The following STX8 variants were observed in gnomAD, a reference collection of about 807,000 sequenced individuals.
STX8 encodes the protein syntaxin 8, also known as syntaxin-8.
A neutral mutation model predicts 37.5 loss-of-function variants in STX8; 23 were observed. The observed-to-expected ratio is 0.61, with a 90% confidence interval of 0.44 to 0.87. The LOEUF (loss-of-function observed/expected upper bound fraction) is 0.87. Ranked by LOEUF, STX8 falls within the 40% of genes least tolerant of loss-of-function variation. The pLI is 0.00. For missense variants in STX8, 313 were observed against 284.7 expected, an observed-to-expected ratio of 1.10 and a Z score of -0.71; for synonymous variants, 115 against 99.1, an observed-to-expected ratio of 1.16 and a Z score of -0.95.
intron 6 of STX8, among the ~76,000 whole-genome samples, chr17:9,488,893 T>C (rs1180628120): frequency 3.3e-5 from 5 of 152,010 alleles, no homozygotes; most frequent in Admixed American, 1.3e-4. Context: ...TGTGTGTGTT[T>C]TGAGACAGAG....
At chr17:9,488,946 A>G (rs1335822201) in intron 6 of STX8, among the ~76,000 whole-genome samples, 2 of 151,886 alleles carry the variant, frequency 1.3e-5, no homozygotes, top group Non-Finnish European at 2.9e-5. Flanking sequence ...GTGCAATCTC[A>G]GCTCACTGCA....
intron 6 of STX8, among the ~76,000 whole-genome samples, chr17:9,485,301 TGACAG>T (rs915050623): frequency 6.6e-6 from 1 of 152,090 alleles, no homozygotes; most frequent in Admixed American, 6.5e-5. Context: ...GAAGCACAGC[TGACAG>T]GACAGGACAG....
chr17:9,548,141 G>A (rs893105495), intron 3 of STX8, among the ~76,000 whole-genome samples: 4 of 150,696 alleles, frequency 2.7e-5, no homozygotes, highest in African/African-American at 9.8e-5. Flanking sequence ...GTCTCCCTCT[G>A]TCGCCCAGCC....
intron 7 of STX8, among the ~76,000 whole-genome samples, chr17:9,300,858 G>A (rs1279849982): frequency 2.8e-5 from 3 of 108,812 alleles, no homozygotes; most frequent in Non-Finnish European, 3.6e-5. Context: ...TTTTTGAGAC[G>A]GAGTCTCACT....
intron 5 of STX8, among the ~76,000 whole-genome samples, chr17:9,503,324 T>C (rs751326618): frequency 2.0e-5 from 3 of 151,938 alleles, no homozygotes; most frequent in Admixed American, 1.3e-4. Flanking sequence ...GGAGGAACAA[T>C]AGGAAGAATT....
rs139183467 is a variant in STX8 at position 9,348,904 on chromosome 17, G to A, written c.643+29648C>T. ...TAATCGTCCCTTATGCATGGAGGAC[G>A]CGTTCCAAGACCCCCAAGGGATGCC... On this transcript the variant is annotated intron_variant, in intron 7 of 7. Transcript: ENST00000306357. Among the ~76,000 whole-genome samples, 283 of 152,306 alleles carry A rather than the reference G, an allele frequency of 1.9e-3. 2 individuals carry two copies. Among genetic ancestry groups the A allele is most frequent in the African/African-American group, 5.9e-3 (247 of 41,570 alleles).
chr17:9,285,044 C>A (rs775958756), intron 7 of STX8, among the ~76,000 whole-genome samples: 2 of 152,066 alleles, frequency 1.3e-5, no homozygotes, highest in Non-Finnish European at 2.9e-5. Flanking sequence ...AGGCCCCACC[C>A]CCCTGGAGAT....
At chr17:9,256,668 C>T (rs981770893) in intron 7 of STX8, among the ~76,000 whole-genome samples, 7 of 152,224 alleles carry the variant, frequency 4.6e-5, no homozygotes, top group Admixed American at 4.6e-4. Context: ...CCACTACCCA[C>T]ATAACCACAG....
chr17:9,538,431 T>C (rs1906146848), intron 4 of STX8, among the ~76,000 whole-genome samples: 1 of 152,214 alleles, frequency 6.6e-6, no homozygotes, highest in South Asian at 2.1e-4. Context: ...AACATTTAAA[T>C]TGAAATAAAA....
chr17:9,542,271 T>A (rs1331542658), intron 4 of STX8, among the ~76,000 whole-genome samples: 1 of 151,562 alleles, frequency 6.6e-6, no homozygotes, highest in Non-Finnish European at 1.5e-5. Flanking sequence ...GGCAGGAGAA[T>A]CACTTGAACT....
intron 4 of STX8, among the ~76,000 whole-genome samples, chr17:9,531,703 A>AG (rs1436729742): frequency 6.6e-6 from 1 of 152,186 alleles, no homozygotes; most frequent in Non-Finnish European, 1.5e-5. Flanking sequence ...GCCCTTAAGC[A>AG]GGGGACTACT....
chr17:9,441,874 A>G (rs1904672629), intron 6 of STX8, among the ~76,000 whole-genome samples: 1 of 151,520 alleles, frequency 6.6e-6, no homozygotes, highest in Non-Finnish European at 1.5e-5. Flanking sequence ...ACGGGGTTTC[A>G]CCGTGTTAGC....
chr17:9,373,227 T>C (rs1293922687), intron 7 of STX8, among the ~76,000 whole-genome samples: 1 of 151,958 alleles, frequency 6.6e-6, no homozygotes, highest in Non-Finnish European at 1.5e-5. Context: ...TCCTCAAACA[T>C]TTAAAAACTG....
At chr17:9,565,006 G>C (rs1449142562) in intron 2 of STX8, among the ~76,000 whole-genome samples, 2 of 152,038 alleles carry the variant, frequency 1.3e-5, no homozygotes, top group Admixed American at 1.3e-4. Flanking sequence ...TCAGGAGTTC[G>C]AGATCAACCT....
intron 2 of STX8, among the ~76,000 whole-genome samples, chr17:9,562,845 C>T (rs1355392298): frequency 6.6e-6 from 1 of 151,882 alleles, no homozygotes; most frequent in Non-Finnish European, 1.5e-5. Flanking sequence ...GGGGATTTCA[C>T]ATCAGGTTAA....
intron 7 of STX8, among the ~76,000 whole-genome samples, chr17:9,289,434 C>T (rs897006033): frequency 2.6e-5 from 4 of 151,778 alleles, no homozygotes. Context: ...TTTAGAAGGA[C>T]GAGGACTCCA....
intron 7 of STX8, among the ~76,000 whole-genome samples, chr17:9,312,863 C>A (rs1269421503): frequency 6.6e-6 from 1 of 152,074 alleles, no homozygotes; most frequent in African/African-American, 2.4e-5. Context: ...TAGAATCTTG[C>A]GTCCCCAGGC....
chr17:9,419,069 C>T (rs1913327083), intron 6 of STX8, among the ~76,000 whole-genome samples: 1 of 151,458 alleles, frequency 6.6e-6, no homozygotes, highest in South Asian at 2.1e-4. Flanking sequence ...GACTACAGAC[C>T]TGTGCCATCA....
chr17:9,525,592 C>A (rs1490413610), intron 4 of STX8, among the ~76,000 whole-genome samples: 1 of 152,096 alleles, frequency 6.6e-6, no homozygotes, highest in Non-Finnish European at 1.5e-5. Flanking sequence ...ATGATCTACC[C>A]GCCTCAGCCT....
Sources: gnomAD v4.1 joint callset for allele counts (sites outside exome capture counted in the v4.1 genomes callset) on GRCh38, gnomAD v4.1.1 for gene constraint, MANE v1.5 for transcripts, NCBI Gene and HGNC (gene_info 2026-07-23, HGNC 2026-07-21) for gene names.